MALRD1: variants seen among roughly 807,000 people sequenced by gnomAD.
MALRD1 encodes MAM and LDL receptor class A domain containing 1, also known as MAM and LDL-receptor class A domain-containing protein 1.
Under a neutral mutation model 242.1 loss-of-function variants are expected in MALRD1, and 247 were observed. The ratio of observed to expected loss-of-function variants is 1.02; its 90% CI spans 0.92 to 1.13. MALRD1 has a LOEUF of 1.13. Ranked by LOEUF, MALRD1 falls within the 50% of genes most tolerant of loss-of-function variation. The probability of loss-of-function intolerance (pLI) is 0.00; values close to 1 mark genes in which losing one functional copy is unlikely to be tolerated. For missense variants in MALRD1, 2,989 were observed against 2,533.1 expected (o/e 1.18, Z -3.86); for synonymous variants, 995 against 866.6 (o/e 1.15, Z -2.60).
intron 38 of MALRD1, among the ~76,000 whole-genome samples, chr10:19,719,171 CATACAT>C (rs1415553457): frequency 1.4e-5 from 1 of 69,618 alleles, no homozygotes; most frequent in East Asian, 4.5e-4. Flanking sequence ...TATATATATA[CATACAT>C]ATATATATAT....
chr10:19,202,581 T>C (rs2131611368), intron 14 of MALRD1, among the ~76,000 whole-genome samples: 1 of 152,276 alleles, frequency 6.6e-6, no homozygotes, highest in East Asian at 1.9e-4. Context: ...TAGTTTACAC[T>C]TTTTTCCCTA....
At chr10:19,303,715 A>G (rs984818740) in intron 21 of MALRD1, among the ~76,000 whole-genome samples, 61 of 151,772 alleles carry the variant, frequency 4.0e-4, no homozygotes, top group African/African-American at 1.4e-3. Context: ...CGTGTAATCA[A>G]TATAAAGTTG....
chr10:19,368,237 A>C (rs915636357), intron 26 of MALRD1, among the ~76,000 whole-genome samples: 2 of 151,978 alleles, frequency 1.3e-5, no homozygotes, highest in African/African-American at 2.4e-5. Flanking sequence ...GTTTTCTTCT[A>C]GTAGGCTTAT....
intron 22 of MALRD1, among the ~76,000 whole-genome samples, 174 bp from the exon 23 acceptor site, chr10:19,327,389 G>T (rs1180109206): frequency 6.6e-6 from 1 of 151,680 alleles, no homozygotes; most frequent in Non-Finnish European, 1.5e-5. Context: ...GTACGCTAGG[G>T]GCACAATGCT....
chr10:19,150,278 T>C (rs1833896976), intron 11 of MALRD1, among the ~76,000 whole-genome samples: 1 of 152,192 alleles, frequency 6.6e-6, no homozygotes, highest in African/African-American at 2.4e-5. Context: ...CTACCATTCC[T>C]GACTTTCTGC....
chr10:19,196,454 TC>T lies in MALRD1; in HGVS notation c.1952-7273del, dbSNP rs370519982. ...AGATCCAGTGACCTATTCTCAATCT[TC>T]ATTTGACACAGATGGTATCACCCTC... is the stretch of plus-strand genomic sequence containing the variant. On this transcript the variant is annotated intron_variant, in intron 14 of 39. Transcript: ENST00000454679. Among the ~76,000 whole-genome samples, 11 of 152,146 alleles carry T rather than the reference TC, an allele frequency of 7.2e-5. No individual in the cohort carries two copies. The East Asian group carries it at 1.7e-3, about 24-fold the overall frequency.
At chr10:19,727,035 G>A (rs1835059306) in intron 38 of MALRD1, among the ~76,000 whole-genome samples, 1 of 152,192 alleles carries the variant, frequency 6.6e-6, no homozygotes, top group Admixed American at 6.5e-5. Context: ...ACAACACTGT[G>A]AGTGGAATTA....
intron 28 of MALRD1, among the ~76,000 whole-genome samples, chr10:19,447,053 CA>C (rs1835028181): frequency 9.8e-6 from 1 of 102,408 alleles, no homozygotes; most frequent in Non-Finnish European, 2.0e-5. Context: ...CACACACACA[CA>C]CACACACATA....
intron 38 of MALRD1, among the ~76,000 whole-genome samples, chr10:19,707,231 C>CTT (rs1833908289): frequency 6.6e-6 from 1 of 151,894 alleles, no homozygotes; most frequent in Non-Finnish European, 1.5e-5. Context: ...TTCTCCTTCT[C>CTT]CTCCTTCTCC....
At chr10:19,537,769 C>T (rs1834755139) in intron 32 of MALRD1, among the ~76,000 whole-genome samples, 1 of 152,146 alleles carries the variant, frequency 6.6e-6, no homozygotes. Context: ...TAATCCCATT[C>T]ATGAGGTCTC....
intron 21 of MALRD1, among the ~76,000 whole-genome samples, chr10:19,311,891 T>G (rs72782359): frequency 6.6e-6 from 1 of 151,570 alleles, no homozygotes; most frequent in Admixed American, 6.6e-5. Context: ...ACTCATGTTA[T>G]TATAAAAACA....
At chr10:19,577,258 T>G (rs569399328) in intron 33 of MALRD1, among the ~76,000 whole-genome samples, 25 of 152,278 alleles carry the variant, frequency 1.6e-4, no homozygotes, top group African/African-American at 6.0e-4. Context: ...TATTGGATTA[T>G]AGAATATTAT....
intron 28 of MALRD1, among the ~76,000 whole-genome samples, chr10:19,393,092 C>A (rs748715417): frequency 3.9e-5 from 6 of 152,148 alleles, no homozygotes; most frequent in Non-Finnish European, 7.3e-5. Flanking sequence ...AGAAAGTCTG[C>A]ATAATTGGTT....
At chr10:19,368,890 TTTGTGTGTGTGTGTGTGTG>T (rs1845234776) in intron 26 of MALRD1, among the ~76,000 whole-genome samples, 1 of 142,308 alleles carries the variant, frequency 7.0e-6, no homozygotes, top group South Asian at 2.3e-4. Flanking sequence ...TGTGTGTGTG[TTTGTGTGTGTGTGTGTGTG>T]TGTGTGTGTG....
chr10:19,085,819 CAAAT>C (rs1169298242), intron 2 of MALRD1, among the ~76,000 whole-genome samples: 2 of 151,814 alleles, frequency 1.3e-5, no homozygotes, highest in Non-Finnish European at 2.9e-5. Context: ...ATATCGTTGA[CAAAT>C]AAAAATAATT....
chr10:19,576,824 C>T (rs1476057126), intron 33 of MALRD1, among the ~76,000 whole-genome samples: 1 of 152,130 alleles, frequency 6.6e-6, no homozygotes, highest in African/African-American at 2.4e-5. Context: ...CTTAATCCTC[C>T]CCACAGGAAA....
Position 19,596,446 on chromosome 10 carries a change from G to A in MALRD1, c.5944+989G>A, listed in dbSNP as rs1838102515. Among the ~76,000 whole-genome samples the A allele has an allele frequency of 2.0e-5, 3 of 152,120 alleles. No individual in the cohort carries two copies. The South Asian group carries it at 6.2e-4, about 31-fold the overall frequency. ...TAACTATAAGAGGGGAACATTGAAT[G>A]AGGCTGGGTGCAGTGGCTCAGGCCT... On this transcript the variant is annotated intron_variant, in intron 34 of 39. Transcript: ENST00000454679.
chr10:19,113,792 TACACAC>T (rs753384799), intron 5 of MALRD1, among the ~76,000 whole-genome samples: 2,338 of 134,470 alleles, frequency 0.017, 30 homozygotes, highest in Non-Finnish European at 0.027. Context: ...TACCACCCCC[TACACAC>T]ACACACACAC....
intron 10 of MALRD1, among the ~76,000 whole-genome samples, chr10:19,144,258 AG>A: frequency 6.6e-6 from 1 of 152,304 alleles, no homozygotes; most frequent in South Asian, 2.1e-4. Context: ...CCTGGGGAAA[AG>A]TCAGCTCTTG....
Sources: gnomAD v4.1 joint callset for allele counts (sites outside exome capture counted in the v4.1 genomes callset) on GRCh38, gnomAD v4.1.1 for gene constraint, MANE v1.5 for transcripts, NCBI Gene and HGNC (gene_info 2026-07-23, HGNC 2026-07-21) for gene names.